PDE1A: variants seen among roughly 807,000 people sequenced by gnomAD.
PDE1A encodes phosphodiesterase 1A.
Under a neutral mutation model 61.7 loss-of-function variants are expected in PDE1A, and 35 were observed. The observed-to-expected ratio is 0.57, with a 90% CI of 0.43 to 0.75. The LOEUF (loss-of-function observed/expected upper bound fraction) is 0.75, where lower values mean the gene tolerates loss of function less well. PDE1A is among the 30% of genes least tolerant of loss of function. The pLI, the probability that PDE1A is intolerant of heterozygous loss-of-function variation, is 0.00. For synonymous variants in PDE1A, 232 were observed against 213.2 expected, an observed-to-expected ratio of 1.09 and a Z score of -0.77; for missense variants, 597 against 630.6, an observed-to-expected ratio of 0.95 and a Z score of 0.57.
intron 1 of PDE1A, among the ~76,000 whole-genome samples, chr2:182,410,194 A>G (rs1421028212): frequency 6.6e-6 from 1 of 151,764 alleles, no homozygotes; most frequent in Non-Finnish European, 1.5e-5. Context: ...TCTACAATTT[A>G]AAAAAGAAAA....
the PDE1A span, among the ~76,000 whole-genome samples, chr2:182,669,664 T>A: frequency 6.6e-6 from 1 of 152,244 alleles, no homozygotes; most frequent in Admixed American, 6.5e-5. Context: ...TTATAATCCC[T>A]TGTATTTTAC....
intron 1 of PDE1A, among the ~76,000 whole-genome samples, chr2:182,393,114 A>G (rs1449325321): frequency 1.3e-5 from 2 of 152,066 alleles, no homozygotes; most frequent in African/African-American, 2.4e-5. Flanking sequence ...CTCCATAAGG[A>G]CTCTGCCCCT....
Position 182,489,102 on chromosome 2 carries a change from AG to A in PDE1A, c.101+33173del, listed in dbSNP as rs59765684. Among the ~76,000 whole-genome samples, 689 of 152,318 alleles carry A rather than the reference AG, an allele frequency of 4.5e-3. 3 individuals are homozygous for A. Among genetic ancestry groups the A allele is most frequent in the African/African-American group, 0.015 (641 of 41,570 alleles). On this transcript the variant is annotated intron_variant, in intron 2 of 14. Transcript: ENST00000410103. ...AGTGGTCAAAGAGAGCTTTTCTGAG[AG>A]ACGACATTTGAGTTGAGCCCTAAAG...
chr2:182,689,983 G>T, the PDE1A span, among the ~76,000 whole-genome samples: 3 of 152,164 alleles, frequency 2.0e-5, no homozygotes, highest in Non-Finnish European at 4.4e-5. Context: ...AAATCAGGAA[G>T]AAGTAGAATC....
rs72416982 is a variant in PDE1A, at chr2:182,262,129, CCTTT to C, written c.167+2168_167+2171del. Among the ~76,000 whole-genome samples, 1,217 of 151,824 alleles carry C rather than the reference CCTTT, an allele frequency of 8.0e-3. 11 individuals carry two copies. Among genetic ancestry groups the C allele is most frequent in the African/African-American group, 0.027 (1,112 of 41,470 alleles). ...CCAAGAAAATAATTTCTTTCTTTCTCCTTTCTTTCTTTCTCTTTTCCTTTCTTTC... is the reference window on the plus strand; with the variant it reads ...CCAAGAAAATAATTTCTTTCTTTCTCCTTTCTTTCTCTTTTCCTTTCTTTC... On this transcript the variant is annotated intron_variant, in intron 2 of 13. Transcript: ENST00000351439.
At chr2:182,519,287 C>A (rs759587410) in intron 2 of PDE1A, among the ~76,000 whole-genome samples, 1 of 151,952 alleles carries the variant, frequency 6.6e-6, no homozygotes, top group Non-Finnish European at 1.5e-5. Flanking sequence ...GTATATAATT[C>A]TTTTTAAATC....
the PDE1A span, among the ~76,000 whole-genome samples, chr2:182,573,963 A>T: frequency 0.021 from 1,951 of 94,480 alleles, 118 homozygotes; most frequent in Admixed American, 0.14. Context: ...ATATTTATAT[A>T]TTTTTTTATA....
chr2:182,228,599 T>G (rs1689323234), intron 6 of PDE1A, among the ~76,000 whole-genome samples: 1 of 152,190 alleles, frequency 6.6e-6, no homozygotes, highest in Non-Finnish European at 1.5e-5. Flanking sequence ...TCACTACTTT[T>G]TAATGTAGAG....
At chr2:182,603,185 G>A in the PDE1A span, among the ~76,000 whole-genome samples, 1 of 152,028 alleles carries the variant, frequency 6.6e-6, no homozygotes, top group Admixed American at 6.5e-5. Context: ...TTCTTTTATT[G>A]TTTCTAGAAA....
chr2:182,698,001 T>C, the PDE1A span, among the ~76,000 whole-genome samples: 1 of 152,238 alleles, frequency 6.6e-6, no homozygotes, highest in East Asian at 1.9e-4. Flanking sequence ...AGTTCCTCTC[T>C]CTCTTCTTGA....
the PDE1A span, among the ~76,000 whole-genome samples, chr2:182,535,492 T>C: frequency 1.3e-5 from 2 of 152,182 alleles, no homozygotes; most frequent in African/African-American, 4.8e-5. Context: ...TCATTGCTGT[T>C]TATAAGAAAA....
At chr2:182,416,388 A>G (rs763315541) in intron 1 of PDE1A, among the ~76,000 whole-genome samples, 1 of 152,166 alleles carries the variant, frequency 6.6e-6, no homozygotes, top group African/African-American at 2.4e-5. Context: ...CATAACTTCC[A>G]TCTGTTATTT....
intron 1 of PDE1A, among the ~76,000 whole-genome samples, chr2:182,275,337 AC>A (rs1693329323): frequency 6.6e-6 from 1 of 152,068 alleles, no homozygotes; most frequent in African/African-American, 2.4e-5. Context: ...ACCTATCCTG[AC>A]TTTATATGCC....
intron 2 of PDE1A, among the ~76,000 whole-genome samples, chr2:182,441,655 A>G (rs1684803878): frequency 6.6e-6 from 1 of 152,086 alleles, no homozygotes; most frequent in South Asian, 2.1e-4. Flanking sequence ...AGTGATCAAG[A>G]TTCCTTATAT....
the PDE1A span, among the ~76,000 whole-genome samples, chr2:182,658,062 A>AAC: frequency 8.7e-6 from 1 of 114,930 alleles, no homozygotes; most frequent in Admixed American, 8.5e-5. Context: ...AAAAAAAAAA[A>AAC]AAAAAAAAAA....
intron 1 of PDE1A, among the ~76,000 whole-genome samples, chr2:182,309,544 T>C (rs1695825542): frequency 6.6e-6 from 1 of 152,082 alleles, no homozygotes; most frequent in African/African-American, 2.4e-5. Flanking sequence ...CACAGTTACC[T>C]TCTAAGAGTA....
At chr2:182,520,240 G>A (rs1690480797) in intron 2 of PDE1A, among the ~76,000 whole-genome samples, 1 of 151,882 alleles carries the variant, frequency 6.6e-6, no homozygotes, top group African/African-American at 2.4e-5. Context: ...GCAGATTTTA[G>A]ATTTAGAGTT....
chr2:182,368,784 A>C (rs935600548), intron 1 of PDE1A, among the ~76,000 whole-genome samples: 9 of 152,122 alleles, frequency 5.9e-5, no homozygotes, highest in South Asian at 2.1e-4. Flanking sequence ...CACATCTAAA[A>C]AATAAGGATA....
chr2:182,226,981 G>T (rs1689193464), intron 6 of PDE1A, among the ~76,000 whole-genome samples: 1 of 151,934 alleles, frequency 6.6e-6, no homozygotes, highest in Admixed American at 6.6e-5. Context: ...GATGGTTATA[G>T]GTAAATATTT....
Sources: allele counts gnomAD v4.1 joint callset (sites outside exome capture counted in the v4.1 genomes callset), GRCh38; gene constraint gnomAD v4.1.1; transcripts MANE v1.5; gene names NCBI Gene and HGNC (gene_info 2026-07-23, HGNC 2026-07-21).